Variants in RPUSD2 observed in about 807,000 individuals in gnomAD.
RPUSD2 encodes RNA pseudouridine synthase domain containing 2, also known as pseudouridylate synthase RPUSD2.
RPUSD2 carries 31 observed loss-of-function variants against 41.5 expected under a neutral mutation model. That is an observed-to-expected ratio of 0.75 (90% CI 0.56 to 1.01). The LOEUF (loss-of-function observed/expected upper bound fraction) is 1.01. Among genes scored for constraint, RPUSD2 ranks in the 50% least tolerant of loss-of-function variants. The pLI is 0.00. For synonymous variants in RPUSD2, 305 were observed against 289.7 expected, an observed-to-expected ratio of 1.05 and a Z score of -0.54; for missense variants, 749 against 724.7, an observed-to-expected ratio of 1.03 and a Z score of -0.38.
intron 2 of RPUSD2, among the ~76,000 whole-genome samples, 158 bp from the exon 3 acceptor site, chr15:40,573,369 G>C (rs1891182071): frequency 6.6e-6 from 1 of 152,218 alleles, no homozygotes; most frequent in Admixed American, 6.5e-5. Context: ...GAGTTAGTAG[G>C]ATTTAGAGGT....
chr15:40,570,134 C>G lies in RPUSD2; in HGVS notation c.606+191C>G, dbSNP rs1461181161. On this transcript the variant is annotated intron_variant, in intron 1 of 2. Transcript: ENST00000315616. ...CCACCTCCGCAAGTGGCCAGGGTGT[C>G]TGTGCTTCAGGACTCAGCCTGTTTA... 7 of 726,082 alleles carry G rather than the reference C, an allele frequency of 9.6e-6. No homozygotes were observed. In the South Asian group the frequency reaches 1.6e-4, roughly 16 times the overall value. The allele number at this position is 726,082 out of a possible 1,614,324, so 45.0% of individuals were successfully genotyped here.
chr15:40,571,415 T>C (rs1303905217), intron 1 of RPUSD2, among the ~76,000 whole-genome samples, 189 bp from the exon 2 acceptor site: 1 of 152,242 alleles, frequency 6.6e-6, no homozygotes, highest in African/African-American at 2.4e-5. Flanking sequence ...ACTTTTTCAG[T>C]GCCAGCTATC....
chr15:40,570,231 C>T (rs556521489), intron 1 of RPUSD2, among the ~76,000 whole-genome samples: 1 of 152,144 alleles, frequency 6.6e-6, no homozygotes, highest in Non-Finnish European at 1.5e-5. Context: ...CTTTAAACAC[C>T]GTCTTGTGGC....
rs1309559894 is a variant in RPUSD2 at position 40,569,908 on chromosome 15, G to C, written c.571G>C (p.Glu191Gln). The C allele has an allele frequency of 8.3e-6, 13 of 1,565,140 alleles. No homozygotes were observed. The highest frequency in any genetic ancestry group is 1.0e-5 in the Non-Finnish European group (12 of 1,155,458). The change falls in exon 1 of 3, where the codon GAG (glutamate) becomes CAG (glutamine). Residue 191 changes from glutamate to glutamine, a missense_variant. Transcript: ENST00000315616. ...AVRAGRLQLNEKPVQDLNIVL... is the reference protein window; with the variant it reads ...AVRAGRLQLNQKPVQDLNIVL... The stretch of plus-strand genomic sequence containing the variant: ...CCGGGCGGGCCGCCTGCAACTCAAC[G>C]AGAAGCCGGTGCAGGACCTCAACAT...
At position 40,569,449 on chromosome 15, in the gene RPUSD2, A is replaced by G; in HGVS notation, c.112A>G (p.Thr38Ala). ...WSGDKGPMAETVSTQVGTEGG... is the reference protein window; with the variant it reads ...WSGDKGPMAEAVSTQVGTEGG... ...TGGCGATAAGGGCCCAATGGCAGAA[A>G]CAGTGTCTACCCAGGTTGGGACAGA... is the stretch of plus-strand genomic sequence containing the variant. Residue 38 changes from threonine (T) to alanine (A), a missense_variant, in exon 1 of 3, where the codon ACA becomes GCA. Thr to Ala is a moderately conservative substitution (Grantham distance 58). Coordinates refer to ENST00000315616, the MANE Select transcript of RPUSD2 (RefSeq NM_152260.3). 1 of 1,571,370 alleles carries G rather than the reference A, an allele frequency of 6.4e-7. No individual in the cohort carries two copies. Among genetic ancestry groups the G allele is most frequent in the Admixed American group, 2.0e-5 (1 of 50,142 alleles).
Position 40,569,433 on chromosome 15 carries a change from G to A in RPUSD2, c.96G>A (p.Lys32=). 1 of 1,562,100 alleles carries A rather than the reference G, an allele frequency of 6.4e-7. No individual in the cohort carries two copies. Among genetic ancestry groups the A allele is most frequent in the Non-Finnish European group, 8.6e-7 (1 of 1,159,282 alleles). The change falls in exon 1 of 3, where the codon AAG becomes AAA. Residue 32 remains lysine, a synonymous_variant. Coordinates refer to ENST00000315616, the MANE Select transcript of RPUSD2 (RefSeq NM_152260.3). ...PSFTRTWSGD[K]GPMAETVSTQ... is the part of the protein sequence containing the mutation. ...TTACCAGGACTTGGAGTGGCGATAA[G>A]GGCCCAATGGCAGAAACAGTGTCTA...
intron 1 of RPUSD2, 55 bp downstream of exon 1, chr15:40,569,998 G>GTTTTGTTTTGTTTTGTTTTA: frequency 7.0e-7 from 1 of 1,431,384 alleles, no homozygotes. Flanking sequence ...GCCGGGTTTT[G>GTTTTGTTTTGTTTTGTTTTA]TTTTGTTTTG....
In RPUSD2 at chr15:40,569,443, G is replaced by A; in HGVS notation, c.106G>A (p.Ala36Thr). ...RTWSGDKGPM[A>T]ETVSTQVGTE... Reference sequence around the variant, plus strand: ...TTGGAGTGGCGATAAGGGCCCAATGGCAGAAACAGTGTCTACCCAGGTTGG... The same window carrying A: ...TTGGAGTGGCGATAAGGGCCCAATGACAGAAACAGTGTCTACCCAGGTTGG... Residue 36 changes from alanine to threonine, a missense_variant, in exon 1 of 3, where the codon GCA becomes ACA. Ala to Thr is a moderately conservative substitution (Grantham distance 58, BLOSUM62 0). Coordinates refer to ENST00000315616, the MANE Select transcript of RPUSD2 (RefSeq NM_152260.3). 3 of 1,568,264 alleles carry A rather than the reference G, an allele frequency of 1.9e-6. No individual in the cohort carries two copies. Among genetic ancestry groups the A allele is most frequent in the Non-Finnish European group, 2.6e-6 (3 of 1,162,044 alleles).
chr15:40,572,094 A>G (rs146133141), intron 2 of RPUSD2, among the ~76,000 whole-genome samples, 194 bp downstream of exon 2: 1 of 152,316 alleles, frequency 6.6e-6, no homozygotes, highest in African/African-American at 2.4e-5. Context: ...AAATCTTTAG[A>G]GATGGCATAC....
rs1296526449 is a variant in RPUSD2 at position 40,569,329 on chromosome 15, AGC to A, written c.-7_-6del. On this transcript the variant is annotated 5_prime_UTR_variant, in exon 1 of 3. Coordinates refer to ENST00000315616, the MANE Select transcript of RPUSD2 (RefSeq NM_152260.3). Reference sequence around the variant, plus strand: ...GCGACCCTGGGAGTGGAGTGGGGGCAGCGTGGTTATGTGGCTGGACCGCCGCG... The same window carrying A: ...GCGACCCTGGGAGTGGAGTGGGGGCAGTGGTTATGTGGCTGGACCGCCGCG... 1.4e-6 allele frequency: 2 copies of A among 1,457,802 alleles called. No homozygotes were observed. The highest frequency in any genetic ancestry group is 1.8e-6 in the Non-Finnish European group (2 of 1,104,344). 90.3% of individuals were successfully genotyped at this position (1,457,802 alleles called of 1,614,324 possible).
At position 40,573,703 on chromosome 15, in the gene RPUSD2, A is replaced by G. The variant is rs1207248288; in HGVS notation, c.1080A>G (p.Val360=). The change falls in exon 3 of 3, where the codon GTA becomes GTG. Residue 360 remains valine, a synonymous_variant. Coordinates refer to ENST00000315616, the MANE Select transcript of RPUSD2 (RefSeq NM_152260.3). ...GCTACAATGGCCAGTCCAGTGTGGT[A>G]CGGTGCCGGCCACTCACAGGCCGCA... ...RLSYNGQSSV[V]RCRPLTGRTH... The G allele has an allele frequency of 3.7e-6, 6 of 1,614,074 alleles. No homozygotes were observed. Among genetic ancestry groups the G allele is most frequent in the Non-Finnish European group, 4.2e-6 (5 of 1,180,028 alleles).
intron 1 of RPUSD2, among the ~76,000 whole-genome samples, chr15:40,570,225 A>T (rs1396535340): frequency 2.0e-5 from 3 of 152,198 alleles, no homozygotes; most frequent in Admixed American, 6.5e-5. Flanking sequence ...TAATTCCTTT[A>T]AACACCGTCT....
At chr15:40,572,615 C>A (rs1294062262) in intron 2 of RPUSD2, among the ~76,000 whole-genome samples, 2 of 151,958 alleles carry the variant, frequency 1.3e-5, no homozygotes, top group African/African-American at 4.8e-5. Context: ...GCCTGTAGTC[C>A]CAGCTACTTG....
Position 40,569,508 on chromosome 15 carries a change from TG to T in RPUSD2, c.172del (p.Asp58ThrfsTer27). ...TGAGGGCTTCGCATCAGCAAAACGG[TG>T]ACGCTGGTGGCGACGCGAAGGTTGA... ...GLRASHQQNG[D>X]AGGDAKVELS... On this transcript the variant is annotated frameshift_variant, in exon 1 of 3. Transcript: ENST00000315616. LOFTEE classifies it high-confidence loss of function. The T allele has an allele frequency of 1.3e-6, 2 of 1,548,584 alleles. No homozygotes were observed. Among genetic ancestry groups the T allele is most frequent in the South Asian group, 2.5e-5 (2 of 79,518 alleles).
Position 40,573,583 on chromosome 15 carries a change from C to G in RPUSD2, c.960C>G (p.Thr320=), listed in dbSNP as rs757390620. Residue 320 remains threonine, a synonymous_variant, in exon 3 of 3, where the codon ACC becomes ACG. Transcript: ENST00000315616. ...VEGEFPTEEV[T]CKEPILVVSY... Reference sequence around the variant, plus strand: ...GGGAGTTCCCCACTGAGGAAGTGACCTGTAAAGAACCCATCTTAGTGGTGT... The same window carrying G: ...GGGAGTTCCCCACTGAGGAAGTGACGTGTAAAGAACCCATCTTAGTGGTGT... The G allele has an allele frequency of 6.2e-7, 1 of 1,614,166 alleles. No homozygotes were observed. The highest frequency in any genetic ancestry group is 1.7e-5 in the Admixed American group (1 of 60,028).
Position 40,573,531 on chromosome 15 carries a change from A to C in RPUSD2, c.908A>C (p.Glu303Ala). The change falls in exon 3 of 3, where the codon GAG becomes GCG. Residue 303 changes from glutamate (E) to alanine (A), a missense_variant. Glu to Ala is a moderately radical substitution (Grantham distance 107, BLOSUM62 -1). Transcript: ENST00000315616. ...TCCCTCTTCCCTCCTATGTAGCTGG[A>C]GAAGGAGTACGTGTGCCGGGTGGAA... Reference protein sequence around the residue: ...IHEQVRDRQLEKEYVCRVEGE... With the variant: ...IHEQVRDRQLAKEYVCRVEGE... 6.2e-7 allele frequency: 1 copy of C among 1,610,410 alleles called. No homozygotes were observed. The highest frequency in any genetic ancestry group is 1.3e-5 in the African/African-American group (1 of 75,038).
At chr15:40,571,255 T>C (rs552129781) in intron 1 of RPUSD2, among the ~76,000 whole-genome samples, 46 of 152,360 alleles carry the variant, frequency 3.0e-4, no homozygotes, top group Non-Finnish European at 6.0e-4. Flanking sequence ...GTGCTGGGAT[T>C]AGAGGCGTGA....
In RPUSD2 at chr15:40,571,967, A is replaced by G. The variant is rs900304890; in HGVS notation, c.903+67A>G. The G allele has an allele frequency of 2.6e-6, 4 of 1,513,942 alleles. No individual in the cohort carries two copies. The South Asian group carries it at 4.9e-5, about 18-fold the overall frequency. The allele number at this position is 1,513,942 out of a possible 1,614,324, so 93.8% of individuals were successfully genotyped here. A position where few individuals can be genotyped will look rare whatever the true frequency, so the allele number is the denominator to read the frequency against. On this transcript the variant is annotated intron_variant, in intron 2 of 2. Coordinates refer to ENST00000315616, the MANE Select transcript of RPUSD2 (RefSeq NM_152260.3). ...CACGAATGCTCTGTGTCAAAAGGGC[A>G]TCATGGAGTTCCGAAGTGGTCCTTC...
At chr15:40,569,992 G>GGTTTTGTTTTGTTTTCTTTT in intron 1 of RPUSD2, 49 bp downstream of exon 1, 1 of 1,412,644 alleles carries the variant, frequency 7.1e-7, no homozygotes, top group Non-Finnish European at 9.3e-7. Context: ...AAAGGGGCCG[G>GGTTTTGTTTTGTTTTCTTTT]GTTTTGTTTT....
Sources: gnomAD v4.1 joint callset for allele counts (sites outside exome capture counted in the v4.1 genomes callset) on GRCh38, gnomAD v4.1.1 for gene constraint, MANE v1.5 for transcripts, NCBI Gene and HGNC (gene_info 2026-07-23, HGNC 2026-07-21) for gene names.